The following HSPG2 variants were observed in gnomAD, a reference collection of about 807,000 sequenced individuals.
HSPG2 encodes basement membrane-specific heparan sulfate proteoglycan core protein.
A neutral mutation model predicts 526.6 loss-of-function variants in HSPG2; 278 were observed. The observed-to-expected ratio is 0.53, with a 90% CI of 0.48 to 0.58. The LOEUF is 0.58. Among genes scored for constraint, HSPG2 ranks in the 20% least tolerant of loss-of-function variants. The pLI, the probability that HSPG2 is intolerant of heterozygous loss-of-function variation, is 0.00. For synonymous variants in HSPG2, 2,465 were observed against 2,555.4 expected (o/e 0.96, Z 1.07); for missense variants, 5,354 against 6,099.5 (o/e 0.88, Z 4.07).
chr1:21,909,689 A>G (rs1209253898), intron 1 of HSPG2, among the ~76,000 whole-genome samples: 6 of 152,220 alleles, frequency 3.9e-5, no homozygotes, highest in Non-Finnish European at 1.5e-5. Flanking sequence ...ATGGCAGTCC[A>G]GTCAGTACCC....
Position 21,823,246 on chromosome 1 carries a change from T to TTAA in HSPG2, c.*67_*69dup, listed in dbSNP as rs1384787202. On this transcript the variant is annotated 3_prime_UTR_variant, in exon 97 of 97. Transcript: ENST00000374695. ...TTTCTTACAAAAATTCATAATAATATTAATAATAATATACTCGACATTGTC... is the reference window on the plus strand; with the variant it reads ...TTTCTTACAAAAATTCATAATAATATTAATAATAATAATATACTCGACATTGTC... 1.5e-6 allele frequency: 2 copies of TTAA among 1,293,418 alleles called. No homozygotes were observed. The highest frequency in any genetic ancestry group is 3.0e-5 in the African/African-American group (2 of 66,758). 80.1% of individuals were successfully genotyped at this position (1,293,418 alleles called of 1,614,324 possible).
At chr1:21,935,487 G>A (rs1269534991) in intron 1 of HSPG2, among the ~76,000 whole-genome samples, 1 of 152,210 alleles carries the variant, frequency 6.6e-6, no homozygotes, top group Non-Finnish European at 1.5e-5. Flanking sequence ...GTAGGTGCAT[G>A]GCAAATATCT....
Position 21,872,189 on chromosome 1 carries a change from G to A in HSPG2, c.4218C>T (p.Asp1406=), listed in dbSNP as rs551190233. Residue 1406 remains aspartate (D), a synonymous_variant, in exon 33 of 97, where the codon GAC becomes GAT. Coordinates refer to ENST00000374695, the MANE Select transcript of HSPG2 (RefSeq NM_005529.7). This position sits in a 1 kb window ranked among gnomAD's most constrained non-coding sequence, Gnocchi z 5.5. ...CTGGTGCTTGGCTGGGGCCCACCTT[G>A]TCTCCCTGGTATGTCTCCGGCAGCT... ...YWQLPETYQG[D]KVAAYGGKLR... 19 of 1,551,726 alleles carry A rather than the reference G, an allele frequency of 1.2e-5. No homozygotes were observed. Among genetic ancestry groups the A allele is most frequent in the Admixed American group, 5.9e-5 (3 of 51,012 alleles).
intron 80 of HSPG2, chr1:21,832,902 G>A: frequency 1.8e-6 from 1 of 569,362 alleles, no homozygotes; most frequent in Non-Finnish European, 3.1e-6. Flanking sequence ...CCTGGACAGT[G>A]AAAGTCAGAG....
In HSPG2 at chr1:21,865,712, C is replaced by G; in HGVS notation, c.4314+5G>C. The G allele has an allele frequency of 6.2e-7, 1 of 1,605,690 alleles. No individual in the cohort carries two copies. The highest frequency in any genetic ancestry group is 8.5e-7 in the Non-Finnish European group (1 of 1,174,744). The stretch of plus-strand genomic sequence containing the variant: ...GCCCACCCAGCATGGTGTCCAAATG[C>G]TCACCGTGATCTGCACATCGGGGTC... On this transcript the variant is annotated splice_donor_5th_base_variant and intron_variant, in intron 34 of 96. Coordinates refer to ENST00000374695, the MANE Select transcript of HSPG2 (RefSeq NM_005529.7). The surrounding 1 kb of genome is among the most constrained non-coding windows in gnomAD (Gnocchi z 5.4).
At chr1:21,875,223 A>G in intron 25 of HSPG2, 1 of 614,840 alleles carries the variant, frequency 1.6e-6, no homozygotes, top group South Asian at 1.9e-5. Flanking sequence ...AGGTTATACC[A>G]CCTCGTTCCC....
intron 1 of HSPG2, among the ~76,000 whole-genome samples, chr1:21,911,579 G>T (rs1048083121): frequency 2.0e-5 from 3 of 152,214 alleles, no homozygotes; most frequent in Non-Finnish European, 4.4e-5. Context: ...CCTTTACCCA[G>T]TTCCCTGGGA....
chr1:21,890,348 G>T lies in HSPG2; in HGVS notation c.413+79C>A. The T allele has an allele frequency of 1.4e-6, 2 of 1,454,544 alleles. No individual in the cohort carries two copies. Among genetic ancestry groups the T allele is most frequent in the Non-Finnish European group, 9.6e-7 (1 of 1,036,394 alleles). 90.1% of individuals were successfully genotyped at this position (1,454,544 alleles called of 1,614,324 possible). The stretch of plus-strand genomic sequence containing the variant: ...CCCATAGGCCTTTCCGCGGTGCCAG[G>T]CTTCCTTCCCATCCTCATCAGCCCC... On this transcript the variant is annotated intron_variant, in intron 5 of 96. Coordinates refer to ENST00000374695, the MANE Select transcript of HSPG2 (RefSeq NM_005529.7). This position sits in a 1 kb window ranked among gnomAD's most constrained non-coding sequence, Gnocchi z 4.1.
chr1:21,903,581 C>G (rs1643211002), intron 1 of HSPG2, among the ~76,000 whole-genome samples: 1 of 151,978 alleles, frequency 6.6e-6, no homozygotes, highest in Admixed American at 6.6e-5. Flanking sequence ...GCCTGGTCAA[C>G]AAGAGCAAAA....
rs2098047071 is a variant in HSPG2 at position 21,841,207 on chromosome 1, C to G, written c.9407G>C (p.Ser3136Thr). The G allele has an allele frequency of 6.2e-7, 1 of 1,613,788 alleles. No individual in the cohort carries two copies. The highest frequency in any genetic ancestry group is 8.5e-7 in the Non-Finnish European group (1 of 1,180,052). ...VGKAVTLECV[S>T]AGEPRSSARW... ...AGCAGAGGAGCGGGGCTCCCCGGCACTGACACACTCCAGGGTGACAGCCTT... is the reference window on the plus strand; with the variant it reads ...AGCAGAGGAGCGGGGCTCCCCGGCAGTGACACACTCCAGGGTGACAGCCTT... The change falls in exon 71 of 97, where the codon AGT becomes ACT. Residue 3136 changes from serine to threonine, a missense_variant. Physicochemically the swap from Ser to Thr is moderately conservative, Grantham distance 58 (BLOSUM62 1). Coordinates refer to ENST00000374695, the MANE Select transcript of HSPG2 (RefSeq NM_005529.7).
At chr1:21,854,566 C>A (rs762912109) in intron 49 of HSPG2, 45 bp downstream of exon 49, 21 of 1,531,664 alleles carry the variant, frequency 1.4e-5, no homozygotes, top group Non-Finnish European at 1.9e-5. Context: ...TCCGCCACAG[C>A]CCCTGCACCC....
intron 1 of HSPG2, among the ~76,000 whole-genome samples, chr1:21,928,184 G>A (rs989462004): frequency 6.6e-6 from 1 of 152,218 alleles, no homozygotes; most frequent in Non-Finnish European, 1.5e-5. Flanking sequence ...AGGGCCTTTT[G>A]AGCCCACATC....
intron 75 of HSPG2, among the ~76,000 whole-genome samples, chr1:21,835,993 A>AG (rs1488138902): frequency 6.6e-6 from 1 of 151,908 alleles, no homozygotes; most frequent in African/African-American, 2.4e-5. Flanking sequence ...CAAAAAAAAA[A>AG]AAAAAAAAAA....
intron 52 of HSPG2, 125 bp downstream of exon 52, chr1:21,852,575 C>T: frequency 7.4e-7 from 1 of 1,348,014 alleles, no homozygotes. Context: ...TCGGCCTGGG[C>T]AGGGCCCTGC....
In HSPG2 at chr1:21,895,900, C is replaced by T; in HGVS notation, c.244+22G>A. ...CCCTGGGGGACAGGAGGGAGACCTG[C>T]AGGAGGCCTGCAGCAACTTACCCAT... On this transcript the variant is annotated intron_variant, in intron 3 of 96. Coordinates refer to ENST00000374695, the MANE Select transcript of HSPG2 (RefSeq NM_005529.7). The surrounding 1 kb of genome is among the most constrained non-coding windows in gnomAD (Gnocchi z 4.1). 1 of 1,612,964 alleles carries T rather than the reference C, an allele frequency of 6.2e-7. No homozygotes were observed. The highest frequency in any genetic ancestry group is 8.5e-7 in the Non-Finnish European group (1 of 1,179,170).
chr1:21,833,747 AC>A, intron 78 of HSPG2, 68 bp downstream of exon 78: 1 of 1,517,236 alleles, frequency 6.6e-7, no homozygotes, highest in Non-Finnish European at 9.0e-7. Flanking sequence ...CATCCTGGGG[AC>A]ACTGAGACGC....
Position 21,839,884 on chromosome 1 carries a change from G to T in HSPG2, c.9647C>A (p.Ala3216Asp). 1 of 1,614,152 alleles carries T rather than the reference G, an allele frequency of 6.2e-7. No homozygotes were observed. The highest frequency in any genetic ancestry group is 8.5e-7 in the Non-Finnish European group (1 of 1,180,028). The change falls in exon 72 of 97, where the codon GCT becomes GAT. Residue 3216 changes from alanine to aspartate, a missense_variant. Transcript: ENST00000374695. The surrounding 1 kb of genome is among the most constrained non-coding windows in gnomAD (Gnocchi z 4.5). ...CTCCACAGTCAGCTCAGCTTCTTCAGCTTGGACCTGAGGGGCCCCTGGGGC... is the reference window on the plus strand; with the variant it reads ...CTCCACAGTCAGCTCAGCTTCTTCATCTTGGACCTGAGGGGCCCCTGGGGC... ...AMAPGAPQVQ[A>D]EEAELTVEAG...
rs750931101 is a variant in HSPG2 at position 21,829,576 on chromosome 1, C to G, written c.11799G>C (p.Ser3933=). Residue 3933 remains serine (S), a synonymous_variant, in exon 87 of 97, where the codon TCG becomes TCC. Transcript: ENST00000374695. ...GCAGTGCCAGGTAGGAGCCAGCACC[C>G]GACAGCGAGGGGGTGGTCACTGTCA... ...EGVTVTTPSL[S]GAGSYLALPA... The G allele has an allele frequency of 1.9e-6, 3 of 1,608,314 alleles. No homozygotes were observed. The highest frequency in any genetic ancestry group is 2.5e-6 in the Non-Finnish European group (3 of 1,176,740).
chr1:21,843,694 T>C (rs1051334431), intron 65 of HSPG2, among the ~76,000 whole-genome samples: 1 of 152,186 alleles, frequency 6.6e-6, no homozygotes, highest in African/African-American at 2.4e-5. Flanking sequence ...TCATCCAGGC[T>C]GGAGTGCAGT....
Sources: gnomAD v4.1 joint callset for allele counts (sites outside exome capture counted in the v4.1 genomes callset) on GRCh38, gnomAD v4.1.1 for gene constraint, Gnocchi (gnomAD v3.1) non-coding constraint, MANE v1.5 for transcripts, NCBI Gene and HGNC (gene_info 2026-07-23, HGNC 2026-07-21) for gene names.